Variants in RRBP1 observed in about 807,000 individuals in gnomAD.
The protein encoded by RRBP1 is ribosome-binding protein 1.
RRBP1 carries 94 observed loss-of-function variants against 165.2 expected under a neutral mutation model. The observed-to-expected ratio is 0.57, with a 90% CI of 0.48 to 0.68. The LOEUF (loss-of-function observed/expected upper bound fraction) is 0.68, where lower values mean the gene tolerates loss of function less well. Ranked by LOEUF, RRBP1 falls within the 30% of genes least tolerant of loss-of-function variation. The pLI is 0.00. For missense variants in RRBP1, 1,676 were observed against 1,763.0 expected, an observed-to-expected ratio of 0.95 and a Z score of 0.88; for synonymous variants, 680 against 714.5, an observed-to-expected ratio of 0.95 and a Z score of 0.77.
intron 24 of RRBP1, 64 bp downstream of exon 24, chr20:17,614,658 TCTGCCTCTCCCGGTC>T: frequency 6.4e-7 from 1 of 1,570,362 alleles, no homozygotes; most frequent in Middle Eastern, 1.9e-4. Context: ...TCCGCCCAGC[TCTGCCTCTCCCGGTC>T]CTGCCTCCCC....
intron 8 of RRBP1, 74 bp from the exon 9 acceptor site, chr20:17,630,035 G>T (rs2036118319): frequency 3.4e-6 from 5 of 1,487,754 alleles, no homozygotes; most frequent in Middle Eastern, 1.8e-4. Context: ...CGGTGGAGGC[G>T]GACAGAGCTC....
At chr20:17,637,184 G>A (rs2036263801) in intron 5 of RRBP1, among the ~76,000 whole-genome samples, 1 of 151,924 alleles carries the variant, frequency 6.6e-6, no homozygotes. Context: ...GGGGCCAGCT[G>A]CCAGTTCCGC....
At chr20:17,673,054 A>C (rs961778598) in intron 2 of RRBP1, among the ~76,000 whole-genome samples, 3 of 152,212 alleles carry the variant, frequency 2.0e-5, no homozygotes, top group Non-Finnish European at 4.4e-5. Context: ...CTGGTTAAAC[A>C]GGCATGTTTA....
Position 17,621,762 on chromosome 20 carries a change from C to T in RRBP1, c.3252G>A (p.Glu1084=), listed in dbSNP as rs1658998943. The T allele has an allele frequency of 1.2e-6, 2 of 1,614,000 alleles. No homozygotes were observed. Among genetic ancestry groups the T allele is most frequent in the Non-Finnish European group, 1.7e-6 (2 of 1,180,026 alleles). Residue 1084 remains glutamate (E), a synonymous_variant, in exon 15 of 25, where the codon GAG becomes GAA. Coordinates refer to ENST00000377813, the MANE Select transcript of RRBP1 (RefSeq NM_001365613.2). Reference sequence around the variant, plus strand: ...CTTTCTCTTTGAGATCCTGCAGCCACTCGGTGTAATTCTGCAATGAAACAC... The same window carrying T: ...CTTTCTCTTTGAGATCCTGCAGCCATTCGGTGTAATTCTGCAATGAAACAC... ...LSVLAQQNYT[E]WLQDLKEKGP...
At chr20:17,638,499 T>C (rs2036288097) in intron 5 of RRBP1, among the ~76,000 whole-genome samples, 1 of 152,124 alleles carries the variant, frequency 6.6e-6, no homozygotes, top group Non-Finnish European at 1.5e-5. Context: ...GGGGTCAGCG[T>C]CCCAAGGCCG....
Position 17,633,514 on chromosome 20 carries a change from C to G in RRBP1, c.2556G>C (p.Arg852=), listed in dbSNP as rs577880579. ...SEAVRQDEQQ[R]KALEAKAAAF... ...CAGCTGCCTTGGCTTCCAGAGCTTT[C>G]CGCTGCTGCTCATCTTGCCGCACAG... Residue 852 remains arginine (R), a synonymous_variant, in exon 8 of 25, where the codon CGG becomes CGC. Coordinates refer to ENST00000377813, the MANE Select transcript of RRBP1 (RefSeq NM_001365613.2). 6.2e-7 allele frequency: 1 copy of G among 1,614,068 alleles called. No homozygotes were observed. The highest frequency in any genetic ancestry group is 1.3e-5 in the African/African-American group (1 of 75,076).
At chr20:17,627,277 T>C (rs1432400442) in intron 11 of RRBP1, 71 bp downstream of exon 11, 4 of 1,533,382 alleles carry the variant, frequency 2.6e-6, no homozygotes, top group Non-Finnish European at 3.6e-6. Context: ...CTGAAAACCC[T>C]GGCCCCCCAA....
At position 17,614,743 on chromosome 20, in the gene RRBP1, T is replaced by A. The variant is rs1262554740; in HGVS notation, c.4188A>T (p.Glu1396Asp). The change falls in exon 24 of 25, where the codon GAA (glutamate) becomes GAT (aspartate). Residue 1396 changes from glutamate to aspartate, a missense_variant. Coordinates refer to ENST00000377813, the MANE Select transcript of RRBP1 (RefSeq NM_001365613.2). Reference protein sequence around the residue: ...DTVKKLQEQLEKAEDGSSSKE... With the variant: ...DTVKKLQEQLDKAEDGSSSKE... The stretch of plus-strand genomic sequence containing the variant: ...TTTGGCGCCAGGCACGCACTGCCTT[T>A]TCCAGCTGTTCCTGCAGCTTCTTCA... The A allele has an allele frequency of 3.7e-6, 6 of 1,612,294 alleles. No homozygotes were observed. The highest frequency in any genetic ancestry group is 5.1e-6 in the Non-Finnish European group (6 of 1,179,998).
At chr20:17,638,578 G>T (rs1038799710) in intron 5 of RRBP1, among the ~76,000 whole-genome samples, 4 of 152,122 alleles carry the variant, frequency 2.6e-5, no homozygotes, top group African/African-American at 9.7e-5. Context: ...AAAGTCACTT[G>T]TCCTCAGTGC....
intron 4 of RRBP1, among the ~76,000 whole-genome samples, chr20:17,642,327 T>G (rs1049381509): frequency 6.6e-6 from 1 of 152,046 alleles, no homozygotes; most frequent in East Asian, 1.9e-4. Flanking sequence ...GGCCTCTCCC[T>G]GGTCATCTGA....
intron 4 of RRBP1, 100 bp downstream of exon 4, chr20:17,642,879 G>T: frequency 2.4e-6 from 3 of 1,269,560 alleles, no homozygotes; most frequent in Non-Finnish European, 3.3e-6. Context: ...AGAAGTGGAG[G>T]CTGTCCTATG....
Position 17,616,021 on chromosome 20 carries a change from C to A in RRBP1, c.3868-12G>T, listed in dbSNP as rs201806916. The A allele has an allele frequency of 1.1e-3, 1,835 of 1,602,566 alleles. 39 individuals carry two copies. The South Asian group carries it at 0.018, about 16-fold the overall frequency. ...AGCTGCGTCTTCAGCTGTGCAAACA[C>A]CGCAAACATAACCCGGCAGCCCGGT... On this transcript the variant is annotated splice_polypyrimidine_tract_variant and intron_variant, in intron 21 of 24. Coordinates refer to ENST00000377813, the MANE Select transcript of RRBP1 (RefSeq NM_001365613.2).
At chr20:17,629,320 GT>G (rs1213920128) in intron 9 of RRBP1, among the ~76,000 whole-genome samples, 2 of 152,212 alleles carry the variant, frequency 1.3e-5, no homozygotes, top group African/African-American at 2.4e-5. Context: ...CTCCATCCCT[GT>G]CACCCTTTCC....
At chr20:17,621,811 C>G in intron 14 of RRBP1, 38 bp from the exon 15 acceptor site, 1 of 1,612,498 alleles carries the variant, frequency 6.2e-7, no homozygotes, top group East Asian at 2.2e-5. Flanking sequence ...CGGGGACATT[C>G]CCTGAGAACT....
At chr20:17,637,798 C>G (rs748886465) in intron 5 of RRBP1, among the ~76,000 whole-genome samples, 3 of 152,222 alleles carry the variant, frequency 2.0e-5, no homozygotes, top group Non-Finnish European at 4.4e-5. Flanking sequence ...TTTGGCTCTG[C>G]CCGGGGTGAG....
intron 8 of RRBP1, 116 bp from the exon 9 acceptor site, chr20:17,630,077 G>T: frequency 8.5e-7 from 1 of 1,181,088 alleles, no homozygotes; most frequent in Non-Finnish European, 1.2e-6. Flanking sequence ...GCAGTCTCTG[G>T]TCCATGTGGG....
chr20:17,636,526 C>G, intron 6 of RRBP1, 51 bp downstream of exon 6: 1 of 1,592,040 alleles, frequency 6.3e-7, no homozygotes, highest in Non-Finnish European at 8.5e-7. Context: ...CCGTCCTGGA[C>G]CTGGACTGGG....
rs374226751 is a variant in RRBP1, at chr20:17,636,607, G to A, written c.2307C>T (p.His769=). The A allele has an allele frequency of 1.2e-5, 19 of 1,612,200 alleles. No homozygotes were observed. The highest frequency in any genetic ancestry group is 1.1e-5 in the South Asian group (1 of 91,088). Residue 769 remains histidine (H), a synonymous_variant, in exon 6 of 25, where the codon CAC becomes CAT. Transcript: ENST00000377813. ...QARMQASYRE[H]VKEVQQLQGK... ...CCTGCAGCTGCTGCACCTCCTTCAC[G>A]TGCTCCCGGTAGCTGGCCTGCATGC...
chr20:17,656,638 C>T (rs1023910249), intron 3 of RRBP1, among the ~76,000 whole-genome samples: 2 of 152,140 alleles, frequency 1.3e-5, no homozygotes, highest in Admixed American at 6.5e-5. Context: ...AGTTGGGAGA[C>T]GTTCACACAT....
Sources: allele counts gnomAD v4.1 joint callset (sites outside exome capture counted in the v4.1 genomes callset), GRCh38; gene constraint gnomAD v4.1.1; transcripts MANE v1.5; gene names NCBI Gene and HGNC (gene_info 2026-07-23, HGNC 2026-07-21).